LY86: variants seen among roughly 807,000 people sequenced by gnomAD.
The protein encoded by LY86 is lymphocyte antigen 86, also known as MD-1, RP105-associated.
Under a neutral mutation model 17.3 loss-of-function variants are expected in LY86, and 20 were observed. The observed-to-expected ratio is 1.15, with a 90% CI of 0.81 to 1.68. LY86 has a LOEUF of 1.68. Among genes scored for constraint, LY86 ranks in the 40% most tolerant of loss-of-function variants. The pLI is 0.00. For synonymous variants in LY86, 74 were observed against 70.6 expected (o/e 1.05, Z -0.24); for missense variants, 200 against 191.9 (o/e 1.04, Z -0.25).
intron 1 of LY86, among the ~76,000 whole-genome samples, chr6:6,608,470 G>C (rs1761252326): frequency 6.6e-6 from 1 of 152,068 alleles, no homozygotes; most frequent in Admixed American, 6.5e-5. Flanking sequence ...CCACTTTTTT[G>C]CAATTACAAA....
intron 3 of LY86, among the ~76,000 whole-genome samples, chr6:6,648,177 C>G (rs1455909681): frequency 6.6e-6 from 1 of 152,134 alleles, no homozygotes; most frequent in Non-Finnish European, 1.5e-5. Context: ...CCACCACCAC[C>G]CTTCACCAAT....
chr6:6,606,232 A>C (rs1257979860), intron 1 of LY86, among the ~76,000 whole-genome samples: 1 of 150,850 alleles, frequency 6.6e-6, no homozygotes, highest in African/African-American at 2.4e-5. Context: ...CTAGATACAG[A>C]GTGTGGACGC....
intron 1 of LY86, among the ~76,000 whole-genome samples, chr6:6,611,243 G>C (rs1761323474): frequency 1.3e-5 from 2 of 152,314 alleles, no homozygotes; most frequent in South Asian, 4.1e-4. Context: ...TTTGGGACTT[G>C]AGTTTTTTTG....
intron 1 of LY86, among the ~76,000 whole-genome samples, chr6:6,623,010 C>T (rs76084761): frequency 1.8e-4 from 27 of 152,272 alleles, no homozygotes; most frequent in Non-Finnish European, 2.6e-4. Flanking sequence ...ACAACATCTC[C>T]GAGTCTATAT....
rs902760244 is a variant in LY86 at position 6,597,318 on chromosome 6, G to C, written c.136+8448G>C. On this transcript the variant is annotated intron_variant, in intron 1 of 4. Transcript: ENST00000230568. Reference sequence around the variant, plus strand: ...GCACCAGGTGCCCCATGAGGCAGGAGCTCCAGGTGGACAGAGGTTGTCGAT... The same window carrying C: ...GCACCAGGTGCCCCATGAGGCAGGACCTCCAGGTGGACAGAGGTTGTCGAT... 3.3e-5 allele frequency among the ~76,000 whole-genome samples: 5 copies of C among 152,338 alleles called. No homozygotes were observed. The East Asian group carries it at 9.6e-4, about 29-fold the overall frequency.
intron 3 of LY86, among the ~76,000 whole-genome samples, chr6:6,644,762 C>T (rs930973351): frequency 6.6e-5 from 10 of 151,958 alleles, no homozygotes; most frequent in Admixed American, 5.2e-4. Context: ...ATGAAAGGAA[C>T]GGAAGAAATG....
At chr6:6,593,573 G>T (rs983121955) in intron 1 of LY86, among the ~76,000 whole-genome samples, 8 of 152,208 alleles carry the variant, frequency 5.3e-5, no homozygotes, top group Non-Finnish European at 8.8e-5. Context: ...CACATACTGT[G>T]CACTCAATGT....
At chr6:6,651,714 T>C (rs557856592) in intron 4 of LY86, among the ~76,000 whole-genome samples, 134 of 152,240 alleles carry the variant, frequency 8.8e-4, no homozygotes, top group Middle Eastern at 3.4e-3. Context: ...GCAACTGTTA[T>C]AAGATAGAGG....
chr6:6,597,698 G>A (rs924426953), intron 1 of LY86, among the ~76,000 whole-genome samples: 1 of 152,170 alleles, frequency 6.6e-6, no homozygotes, highest in African/African-American at 2.4e-5. Flanking sequence ...CCCTGCATGG[G>A]ACCCAGGAAG....
At chr6:6,647,819 G>A (rs1034378647) in intron 3 of LY86, among the ~76,000 whole-genome samples, 2 of 152,060 alleles carry the variant, frequency 1.3e-5, no homozygotes, top group Non-Finnish European at 2.9e-5. Flanking sequence ...ATCTCATCCT[G>A]TCCCATGGCT....
At chr6:6,631,152 C>T (rs1761892239) in intron 3 of LY86, among the ~76,000 whole-genome samples, 1 of 152,122 alleles carries the variant, frequency 6.6e-6, no homozygotes, top group Non-Finnish European at 1.5e-5. Context: ...ACATCCAGGC[C>T]ATACCCCAGA....
At chr6:6,598,264 G>A (rs560437546) in intron 1 of LY86, among the ~76,000 whole-genome samples, 59 of 152,126 alleles carry the variant, frequency 3.9e-4, no homozygotes, top group African/African-American at 1.3e-3. Flanking sequence ...AGCAGACAAA[G>A]CACAAATTAT....
intron 1 of LY86, among the ~76,000 whole-genome samples, chr6:6,614,013 C>T (rs1183112797): frequency 1.3e-5 from 2 of 152,248 alleles, no homozygotes; most frequent in African/African-American, 4.8e-5. Flanking sequence ...GAACCTTCTA[C>T]TTACATTCCC....
chr6:6,601,769 A>C (rs1760919947), intron 1 of LY86, among the ~76,000 whole-genome samples: 1 of 152,128 alleles, frequency 6.6e-6, no homozygotes, highest in East Asian at 1.9e-4. Flanking sequence ...AGAAGGGACC[A>C]TGGTGCTTGC....
intron 1 of LY86, among the ~76,000 whole-genome samples, chr6:6,622,280 T>C (rs1291724776): frequency 1.2e-4 from 18 of 152,240 alleles, no homozygotes; most frequent in Admixed American, 1.2e-3. Flanking sequence ...CTTTAAAATA[T>C]TGATAAACAT....
At chr6:6,590,566 C>T (rs1760493366) in intron 1 of LY86, among the ~76,000 whole-genome samples, 1 of 152,114 alleles carries the variant, frequency 6.6e-6, no homozygotes, top group Non-Finnish European at 1.5e-5. Flanking sequence ...TGAGGGGATG[C>T]AATTCATCCC....
At chr6:6,639,706 A>G in intron 3 of LY86, among the ~76,000 whole-genome samples, 1 of 152,148 alleles carries the variant, frequency 6.6e-6, no homozygotes, top group East Asian at 1.9e-4. Flanking sequence ...TGGGCCACAC[A>G]GGGTAATCTA....
rs1177523916 is a variant in LY86 at position 6,590,756 on chromosome 6, A to T, written c.136+1886A>T. ...AAAAGAGAAGTTGATTAAGCATCTG[A>T]ATTGGCCTCACTCTAAGCTGGGGAG... On this transcript the variant is annotated intron_variant, in intron 1 of 4. Coordinates refer to ENST00000230568, the MANE Select transcript of LY86 (RefSeq NM_004271.4). Among the ~76,000 whole-genome samples, 12 of 152,170 alleles carry T rather than the reference A, an allele frequency of 7.9e-5. 1 individual carries two copies.
intron 1 of LY86, among the ~76,000 whole-genome samples, chr6:6,615,050 G>A (rs568003733): frequency 4.6e-5 from 7 of 152,198 alleles, no homozygotes; most frequent in Non-Finnish European, 8.8e-5. Flanking sequence ...CTATGAAGGG[G>A]TTAAACTTTG....
Sources: gnomAD v4.1 joint callset for allele counts (sites outside exome capture counted in the v4.1 genomes callset) on GRCh38, gnomAD v4.1.1 for gene constraint, MANE v1.5 for transcripts, NCBI Gene and HGNC (gene_info 2026-07-23, HGNC 2026-07-21) for gene names.